AOAH: variants seen among roughly 807,000 people sequenced by gnomAD.
AOAH encodes the protein acyloxyacyl hydrolase.
In AOAH, 64 loss-of-function variants were observed where a neutral mutation model predicts 92.2. The observed-to-expected ratio is 0.69, with a 90% CI of 0.57 to 0.86. The LOEUF (loss-of-function observed/expected upper bound fraction) is 0.86. Ranked by LOEUF, AOAH falls within the 40% of genes least tolerant of loss-of-function variation. The probability of loss-of-function intolerance (pLI) is 0.00; values close to 1 mark genes in which losing one functional copy is unlikely to be tolerated. For synonymous variants in AOAH, 263 were observed against 254.5 expected, an observed-to-expected ratio of 1.03 and a Z score of -0.32; for missense variants, 656 against 694.6, an observed-to-expected ratio of 0.94 and a Z score of 0.62.
At chr7:36,589,585 A>C (rs1202850972) in intron 12 of AOAH, among the ~76,000 whole-genome samples, 6 of 152,330 alleles carry the variant, frequency 3.9e-5, no homozygotes, top group Non-Finnish European at 8.8e-5. Context: ...CCCAATAACC[A>C]TGCCCAATGA....
At chr7:36,530,960 CT>C (rs982504457) in intron 18 of AOAH, among the ~76,000 whole-genome samples, 2 of 151,554 alleles carry the variant, frequency 1.3e-5, no homozygotes, top group African/African-American at 4.9e-5. Context: ...AGACTTACAC[CT>C]TTAGATATAC....
chr7:36,563,626 A>G (rs1384739913), intron 13 of AOAH, among the ~76,000 whole-genome samples: 1 of 152,240 alleles, frequency 6.6e-6, no homozygotes, highest in African/African-American at 2.4e-5. Flanking sequence ...AATCTGTTAA[A>G]AAGAGTATGA....
At chr7:36,591,115 A>C (rs1562598619) in intron 12 of AOAH, among the ~76,000 whole-genome samples, 1 of 152,206 alleles carries the variant, frequency 6.6e-6, no homozygotes, top group Non-Finnish European at 1.5e-5. Flanking sequence ...CATTAAAAGG[A>C]GTTGGTATAT....
At position 36,654,129 on chromosome 7, in the gene AOAH, A is replaced by G. The variant is rs76430201; in HGVS notation, c.390+5037T>C. Among the ~76,000 whole-genome samples the G allele has an allele frequency of 2.1e-4, 22 of 103,206 alleles. 1 individual carries two copies. Among genetic ancestry groups the G allele is most frequent in the Admixed American group, 2.1e-3 (19 of 9,160 alleles). 67.7% of individuals were successfully genotyped at this position (103,206 alleles called of 152,430 possible). A position where few individuals can be genotyped will look rare whatever the true frequency, so the allele number is the denominator to read the frequency against. ...CATGCATCCCTGTGCGTGTGTGCGT[A>G]CACACACACACACACAGCAGCAGCA... is the stretch of plus-strand genomic sequence containing the variant. On this transcript the variant is annotated intron_variant, in intron 4 of 20. Coordinates refer to ENST00000617537, the MANE Select transcript of AOAH (RefSeq NM_001637.4).
intron 1 of AOAH, among the ~76,000 whole-genome samples, chr7:36,690,932 A>G (rs1797358785): frequency 6.6e-6 from 1 of 152,156 alleles, no homozygotes; most frequent in South Asian, 2.1e-4. Context: ...TTGAAACTCT[A>G]ATTATAATCA....
At chr7:36,539,921 G>A (rs1785308135) in intron 16 of AOAH, among the ~76,000 whole-genome samples, 1 of 152,166 alleles carries the variant, frequency 6.6e-6, no homozygotes, top group African/African-American at 2.4e-5. Flanking sequence ...GGAGGACTGT[G>A]CTCTAGAGAA....
At chr7:36,561,074 A>C (rs1787228180) in intron 13 of AOAH, among the ~76,000 whole-genome samples, 1 of 135,912 alleles carries the variant, frequency 7.4e-6, no homozygotes, top group Non-Finnish European at 1.5e-5. Flanking sequence ...ACGGAGTCTC[A>C]CTCTATCCCC....
Position 36,522,022 on chromosome 7 carries a change from C to G in AOAH, c.1599+17G>C, listed in dbSNP as rs1242880704. 15 of 1,608,112 alleles carry G rather than the reference C, an allele frequency of 9.3e-6. No individual in the cohort carries two copies. Among genetic ancestry groups the G allele is most frequent in the Non-Finnish European group, 1.3e-5 (15 of 1,174,628 alleles). On this transcript the variant is annotated intron_variant, in intron 20 of 20. Transcript: ENST00000617537. ...CCATCAAATAGCCTTCTGCAGCCACCATGTGACTGTGCTTACCTCGTTGGG... is the reference window on the plus strand; with the variant it reads ...CCATCAAATAGCCTTCTGCAGCCACGATGTGACTGTGCTTACCTCGTTGGG...
chr7:36,623,365 G>A, intron 6 of AOAH, 115 bp from the exon 7 acceptor site: 1 of 891,962 alleles, frequency 1.1e-6, no homozygotes, highest in Non-Finnish European at 1.7e-6. Context: ...GCCACAGAGG[G>A]CCATTCTAAA....
chr7:36,612,706 A>G (rs2115901337), intron 11 of AOAH, among the ~76,000 whole-genome samples: 1 of 152,320 alleles, frequency 6.6e-6, no homozygotes, highest in South Asian at 2.1e-4. Context: ...GTGAATTAAC[A>G]TGCCTATTTC....
intron 4 of AOAH, among the ~76,000 whole-genome samples, chr7:36,652,002 GC>G (rs1309739816): frequency 6.6e-6 from 1 of 152,086 alleles, no homozygotes; most frequent in Non-Finnish European, 1.5e-5. Flanking sequence ...ACCTAAGAAG[GC>G]CAATAAGCAA....
intron 20 of AOAH, among the ~76,000 whole-genome samples, chr7:36,517,017 C>A (rs959773869): frequency 2.6e-5 from 4 of 152,202 alleles, no homozygotes; most frequent in African/African-American, 9.7e-5. Flanking sequence ...AAATGATCCA[C>A]TGTAATCATT....
intron 6 of AOAH, among the ~76,000 whole-genome samples, chr7:36,629,468 C>T (rs896197282): frequency 1.3e-5 from 2 of 152,088 alleles, no homozygotes; most frequent in Non-Finnish European, 2.9e-5. Flanking sequence ...TGATTGGGGG[C>T]CTGGGGAGCT....
At chr7:36,537,313 T>C (rs1394248247) in intron 16 of AOAH, among the ~76,000 whole-genome samples, 1 of 151,770 alleles carries the variant, frequency 6.6e-6, no homozygotes, top group Admixed American at 6.6e-5. Flanking sequence ...TTCCATTTTG[T>C]GCTGTACATG....
At chr7:36,645,838 C>T (rs1394363671) in intron 4 of AOAH, among the ~76,000 whole-genome samples, 3 of 151,814 alleles carry the variant, frequency 2.0e-5, no homozygotes, top group African/African-American at 7.3e-5. Context: ...TAAATGCATC[C>T]CCTTTTATCA....
chr7:36,671,400 G>A (rs1795916380), intron 3 of AOAH, among the ~76,000 whole-genome samples: 1 of 152,098 alleles, frequency 6.6e-6, no homozygotes, highest in Non-Finnish European at 1.5e-5. Context: ...AGTACCTGCA[G>A]ATAGATGCAA....
At chr7:36,610,570 G>GTGAC (rs1478119163) in intron 11 of AOAH, among the ~76,000 whole-genome samples, 9 of 151,240 alleles carry the variant, frequency 6.0e-5, no homozygotes, top group African/African-American at 1.2e-4. Context: ...AAATGTTAAG[G>GTGAC]TGACTCTCTC....
chr7:36,594,293 T>G, intron 12 of AOAH, 46 bp downstream of exon 12: 11 of 1,459,570 alleles, frequency 7.5e-6, no homozygotes, highest in Non-Finnish European at 1.1e-5. Flanking sequence ...TGTTCTTTCC[T>G]TACACAGAGG....
At chr7:36,544,830 T>C (rs368315803) in intron 15 of AOAH, among the ~76,000 whole-genome samples, 17 of 152,080 alleles carry the variant, frequency 1.1e-4, no homozygotes, top group Middle Eastern at 3.4e-3. Context: ...TAGAGAGAGG[T>C]GTCCCTTCCA....
Sources: allele counts gnomAD v4.1 joint callset (sites outside exome capture counted in the v4.1 genomes callset), GRCh38; gene constraint gnomAD v4.1.1; transcripts MANE v1.5; gene names NCBI Gene and HGNC (gene_info 2026-07-23, HGNC 2026-07-21).